The following ADGRF5 variants were observed in gnomAD, a reference collection of about 807,000 sequenced individuals.
ADGRF5 encodes adhesion G protein-coupled receptor F5, also known as G-protein coupled receptor 116.
In ADGRF5, 75 loss-of-function variants were observed where a neutral mutation model predicts 132.3. That is an observed-to-expected ratio of 0.57 (90% CI 0.47 to 0.69). The LOEUF (loss-of-function observed/expected upper bound fraction) is 0.69. Ranked by LOEUF, ADGRF5 falls within the 30% of genes least tolerant of loss-of-function variation. ADGRF5 has a pLI of 0.00. For synonymous variants in ADGRF5, 629 were observed against 597.6 expected (o/e 1.05, Z -0.77); for missense variants, 1,516 against 1,630.6 (o/e 0.93, Z 1.21).
chr6:46,867,320 T>G (rs1224533674), intron 12 of ADGRF5, among the ~76,000 whole-genome samples, 183 bp from the exon 13 acceptor site: 2 of 152,218 alleles, frequency 1.3e-5, no homozygotes, highest in Non-Finnish European at 1.5e-5. Flanking sequence ...TCCATGCACT[T>G]GAAGGACTAA....
At chr6:46,929,392 A>G (rs1777430149) in intron 1 of ADGRF5, among the ~76,000 whole-genome samples, 1 of 152,096 alleles carries the variant, frequency 6.6e-6, no homozygotes, top group Non-Finnish European at 1.5e-5. Context: ...ACCTAATGCT[A>G]AATTACGAGT....
Position 46,883,647 on chromosome 6 carries a change from C to T in ADGRF5, c.524G>A (p.Arg175Lys). The T allele has an allele frequency of 6.3e-7, 1 of 1,592,114 alleles. No homozygotes were observed. The highest frequency in any genetic ancestry group is 8.6e-7 in the Non-Finnish European group (1 of 1,166,976). ...TTGAAAGCCTACATTTAGTCTGACTCTCATGTTCAGGGTAACATCTGTTGA... is the reference window on the plus strand; with the variant it reads ...TTGAAAGCCTACATTTAGTCTGACTTTCATGTTCAGGGTAACATCTGTTGA... ...LLQEDVTLNM[R>K]VRLNVGFQED... Residue 175 changes from arginine to lysine, a missense_variant, in exon 6 of 21, where the codon AGA becomes AAA. Arg to Lys is a conservative substitution (Grantham distance 26). This residue lies in a region of ADGRF5 where 945 missense variants were observed against 929.4 expected (regional missense o/e 1.02). Coordinates refer to ENST00000283296, the MANE Select transcript of ADGRF5 (RefSeq NM_001098518.2).
In ADGRF5 at chr6:46,884,237, G is replaced by A. The variant is rs1772810706; in HGVS notation, c.363C>T (p.Ser121=). ...CRPAGNEIWC[S]CETGYGWPRE... is the part of the protein sequence containing the mutation. ...GAGGCCACCCATAACCTGTCTCGCA[G>A]GAGCACCAGATTTCATTTCCAGCAG... is the stretch of plus-strand genomic sequence containing the variant. Residue 121 remains serine, a synonymous_variant, in exon 5 of 21, where the codon TCC becomes TCT. Transcript: ENST00000283296. 3.7e-6 allele frequency: 6 copies of A among 1,613,942 alleles called. No homozygotes were observed. The highest frequency in any genetic ancestry group is 2.5e-6 in the Non-Finnish European group (3 of 1,179,822).
intron 2 of ADGRF5, among the ~76,000 whole-genome samples, chr6:46,904,827 G>GC (rs1339413236): frequency 1.3e-5 from 2 of 152,160 alleles, no homozygotes; most frequent in Non-Finnish European, 2.9e-5. Flanking sequence ...AACTGATCAG[G>GC]CAGGCTCAAG....
chr6:46,905,996 A>C (rs1775323905), intron 2 of ADGRF5, among the ~76,000 whole-genome samples: 1 of 152,224 alleles, frequency 6.6e-6, no homozygotes, highest in African/African-American at 2.4e-5. Context: ...AAAGATTCCC[A>C]ACCAGTAACA....
chr6:46,853,168 C>T lies in ADGRF5; in HGVS notation c.*824G>A, dbSNP rs570619684. 7 of 152,458 alleles carry T rather than the reference C, an allele frequency of 4.6e-5. No individual in the cohort carries two copies. The East Asian group carries it at 1.4e-3, about 29-fold the overall frequency. The allele number at this position is 152,458 out of a possible 1,614,324, so 9.4% of individuals were successfully genotyped here. A position where few individuals can be genotyped will look rare whatever the true frequency, so the allele number is the denominator to read the frequency against. The stretch of plus-strand genomic sequence containing the variant: ...GATCTAATGACATATCTTTGTAATA[C>T]TTCCTCTGCAGATACATTCACTTAG... On this transcript the variant is annotated 3_prime_UTR_variant, in exon 21 of 21. Transcript: ENST00000283296.
chr6:46,953,970 C>T (rs1190092260), intron 1 of ADGRF5, among the ~76,000 whole-genome samples: 1 of 151,210 alleles, frequency 6.6e-6, no homozygotes. Flanking sequence ...CAAAAAAATC[C>T]AGAGAAATTT....
At chr6:46,885,385 A>G (rs576940539) in intron 4 of ADGRF5, among the ~76,000 whole-genome samples, 1 of 152,174 alleles carries the variant, frequency 6.6e-6, no homozygotes, top group Non-Finnish European at 1.5e-5. Flanking sequence ...TCAAAAACTG[A>G]GTCTATCTTC....
chr6:46,912,348 G>C (rs1776023473), intron 1 of ADGRF5, among the ~76,000 whole-genome samples: 1 of 152,116 alleles, frequency 6.6e-6, no homozygotes, highest in Admixed American at 6.5e-5. Flanking sequence ...GGGGAGTTTG[G>C]AAGAAGGGGA....
chr6:46,862,844 A>G, intron 15 of ADGRF5, 44 bp downstream of exon 15: 1 of 1,281,260 alleles, frequency 7.8e-7, no homozygotes, highest in Non-Finnish European at 1.1e-6. Context: ...TCAGCCAGAT[A>G]GATCGCCCCA....
rs2150778135 is a variant in ADGRF5, at chr6:46,858,304, G to A, written c.3599C>T (p.Pro1200Leu). Residue 1200 changes from proline (P) to leucine (L), a missense_variant, in exon 17 of 21, where the codon CCT (proline) becomes CTT (leucine). Coordinates refer to ENST00000283296, the MANE Select transcript of ADGRF5 (RefSeq NM_001098518.2). ...CTTGCATGGCTTGTCTCCAATGGAA[G>A]GCCTCAGGATCTTGGTGATGACCAC... is the stretch of plus-strand genomic sequence containing the variant. ...TIVVITKILR[P>L]SIGDKPCKQE... 6.2e-7 allele frequency: 1 copy of A among 1,613,974 alleles called. No individual in the cohort carries two copies. The highest frequency in any genetic ancestry group is 8.5e-7 in the Non-Finnish European group (1 of 1,179,978).
chr6:46,938,243 C>T, intron 1 of ADGRF5, among the ~76,000 whole-genome samples: 1 of 152,172 alleles, frequency 6.6e-6, no homozygotes, highest in East Asian at 1.9e-4. Flanking sequence ...GCAGTATCCT[C>T]CCTTTCCCTT....
At chr6:46,883,706 G>A (rs780420433) in intron 5 of ADGRF5, 41 bp from the exon 6 acceptor site, 5 of 1,048,762 alleles carry the variant, frequency 4.8e-6, no homozygotes, top group South Asian at 1.4e-5. Context: ...ATATGTTAAT[G>A]TCTGAGTATA....
In ADGRF5 at chr6:46,852,707, C is replaced by T. The variant is rs1320618273; in HGVS notation, c.*1285G>A. ...GGGAAAGGCTCTGCCATTTGTTCAA[C>T]AAGGTCAAGTGTCATTAGGAGCACA... On this transcript the variant is annotated 3_prime_UTR_variant, in exon 21 of 21. Coordinates refer to ENST00000283296, the MANE Select transcript of ADGRF5 (RefSeq NM_001098518.2). The T allele has an allele frequency of 6.6e-6, 1 of 152,166 alleles. No individual in the cohort carries two copies. Among genetic ancestry groups the T allele is most frequent in the African/African-American group, 2.4e-5 (1 of 41,428 alleles). 9.4% of individuals were successfully genotyped at this position (152,166 alleles called of 1,614,324 possible). A position where few individuals can be genotyped will look rare whatever the true frequency, so the allele number is the denominator to read the frequency against.
At chr6:46,945,592 G>C (rs1416122517) in intron 1 of ADGRF5, among the ~76,000 whole-genome samples, 2 of 152,208 alleles carry the variant, frequency 1.3e-5, no homozygotes, top group Non-Finnish European at 2.9e-5. Flanking sequence ...AACAGGCTTG[G>C]GACAGTGCTG....
chr6:46,883,942 A>C (rs1581841255), intron 5 of ADGRF5, among the ~76,000 whole-genome samples, 153 bp downstream of exon 5: 1 of 152,178 alleles, frequency 6.6e-6, no homozygotes, highest in Non-Finnish European at 1.5e-5. Flanking sequence ...GGGTTTCACC[A>C]TGTTGGCCAG....
chr6:46,906,997 A>T (rs1775451691), intron 1 of ADGRF5, among the ~76,000 whole-genome samples: 1 of 152,230 alleles, frequency 6.6e-6, no homozygotes, highest in African/African-American at 2.4e-5. Context: ...GCGGGTTGAT[A>T]GGCTGAGAAT....
chr6:46,888,779 G>A (rs941786079), intron 3 of ADGRF5, among the ~76,000 whole-genome samples: 4 of 152,180 alleles, frequency 2.6e-5, no homozygotes, highest in Non-Finnish European at 4.4e-5. Flanking sequence ...GGAACTGTTC[G>A]GGCAAAATAT....
upstream of ADGRF5, among the ~76,000 whole-genome samples, chr6:46,924,441 A>G (rs1234913105): frequency 6.6e-6 from 1 of 152,186 alleles, no homozygotes; most frequent in African/African-American, 2.4e-5. Context: ...TAAACTCTGC[A>G]TTTCATTTTC....
Sources: gnomAD v4.1 joint callset for allele counts (sites outside exome capture counted in the v4.1 genomes callset) on GRCh38, gnomAD v4.1.1 for gene constraint, gnomAD v4.1.1 regional missense constraint, MANE v1.5 for transcripts, NCBI Gene and HGNC (gene_info 2026-07-23, HGNC 2026-07-21) for gene names.